Variants in ZNF333 observed in about 807,000 individuals in gnomAD.
The protein encoded by ZNF333 is zinc finger protein 333.
Under a neutral mutation model 76.1 loss-of-function variants are expected in ZNF333, and 61 were observed. The ratio of observed to expected loss-of-function variants is 0.80; its 90% CI spans 0.65 to 0.99. ZNF333 has a LOEUF of 0.99. ZNF333 is among the 50% of genes least tolerant of loss of function. The pLI, the probability that ZNF333 is intolerant of heterozygous loss-of-function variation, is 0.00. For synonymous variants in ZNF333, 284 were observed against 305.0 expected (o/e 0.93, Z 0.72); for missense variants, 717 against 822.4 (o/e 0.87, Z 1.57).
At chr19:14,693,722 G>A (rs951240556) in intron 2 of ZNF333, among the ~76,000 whole-genome samples, 1 of 152,194 alleles carries the variant, frequency 6.6e-6, no homozygotes. Flanking sequence ...CTGGGGCTCT[G>A]AGCGGAGCTC....
chr19:14,692,427 T>C (rs1401491454), intron 1 of ZNF333, among the ~76,000 whole-genome samples: 1 of 152,074 alleles, frequency 6.6e-6, no homozygotes, highest in African/African-American at 2.4e-5. Context: ...AAAGCTAAAG[T>C]AGAGAAAATA....
chr19:14,730,439 C>CCTCTT (rs1247545917), intron 11 of ZNF333, among the ~76,000 whole-genome samples: 220 of 152,102 alleles, frequency 1.4e-3, no homozygotes, highest in African/African-American at 5.1e-3. Flanking sequence ...TTCCTTCCTT[C>CCTCTT]TTTCCTTCCT....
chr19:14,715,451 T>C lies in ZNF333; in HGVS notation c.581T>C (p.Leu194Pro). The C allele has an allele frequency of 1.2e-6, 2 of 1,614,014 alleles. No homozygotes were observed. Among genetic ancestry groups the C allele is most frequent in the South Asian group, 1.1e-5 (1 of 91,076 alleles). Reference protein sequence around the residue: ...KVEEEAMAPGLPTACSQEPVT... With the variant: ...KVEEEAMAPGPPTACSQEPVT... The stretch of plus-strand genomic sequence containing the variant: ...GAGGAAGAAGCTATGGCTCCTGGGC[T>C]GCCAACCGCCTGTTCACAGGTAGGT... The change falls in exon 8 of 12, where the codon CTG becomes CCG. Residue 194 changes from leucine (L) to proline (P), a missense_variant. Coordinates refer to ENST00000292530, the MANE Select transcript of ZNF333 (RefSeq NM_032433.4).
intron 6 of ZNF333, chr19:14,705,979 A>G: frequency 2.5e-6 from 1 of 402,484 alleles, no homozygotes; most frequent in Admixed American, 2.7e-5. Flanking sequence ...GCCTCTTCCC[A>G]CTCGTCCCTG....
At chr19:14,701,024 C>T (rs538561115) in intron 5 of ZNF333, among the ~76,000 whole-genome samples, 1 of 152,352 alleles carries the variant, frequency 6.6e-6, no homozygotes, top group African/African-American at 2.4e-5. Context: ...GACCCCTGGG[C>T]AGCTGACAGC....
At chr19:14,730,735 G>A (rs889982634) in intron 11 of ZNF333, among the ~76,000 whole-genome samples, 13 of 151,774 alleles carry the variant, frequency 8.6e-5, no homozygotes, top group African/African-American at 3.1e-4. Context: ...ATGATGCTGA[G>A]GTTTGGGGTA....
downstream of ZNF333, among the ~76,000 whole-genome samples, chr19:14,726,843 A>G (rs1294239671): frequency 6.6e-6 from 1 of 152,076 alleles, no homozygotes; most frequent in Non-Finnish European, 1.5e-5. Context: ...ACCAGTCTCC[A>G]AGAAGTTCCA....
intron 7 of ZNF333, chr19:14,707,240 T>TA (rs34492314): frequency 0.64 from 74,472 of 116,602 alleles, 23,777 homozygotes; most frequent in East Asian, 0.86. Flanking sequence ...CCCCTATTTC[T>TA]AAAAAAAAAA....
intron 4 of ZNF333, among the ~76,000 whole-genome samples, chr19:14,698,848 C>CA (rs1471801357): frequency 3.1e-5 from 3 of 96,386 alleles, no homozygotes; most frequent in South Asian, 3.4e-4. Flanking sequence ...TCAAAAAAAA[C>CA]AAAAAACAAA....
chr19:14,694,550 A>G (rs1303502549), intron 2 of ZNF333, among the ~76,000 whole-genome samples: 2 of 152,214 alleles, frequency 1.3e-5, no homozygotes, highest in East Asian at 1.9e-4. Flanking sequence ...TTAAGGACGT[A>G]AGTCTTGGGG....
chr19:14,701,693 T>C, intron 5 of ZNF333: 1 of 985,368 alleles, frequency 1.0e-6, no homozygotes, highest in Non-Finnish European at 1.2e-6. Context: ...TCCAGTGCCC[T>C]CCACAGAACT....
At chr19:14,696,972 CGTG>C (rs1392197129) in intron 4 of ZNF333, among the ~76,000 whole-genome samples, 1 of 152,080 alleles carries the variant, frequency 6.6e-6, no homozygotes, top group Non-Finnish European at 1.5e-5. Context: ...CTCCTCATCT[CGTG>C]GTCCACCCAC....
chr19:14,718,464 T>G lies in ZNF333; in HGVS notation c.1137T>G (p.Ser379=), dbSNP rs2042501965. The G allele has an allele frequency of 6.2e-7, 1 of 1,614,254 alleles. No individual in the cohort carries two copies. ...GTGAAAAATCCTTCAGATACAGCTC[T>G]GACCTTATCAGGCATGAGAAGACTC... ...NKCEKSFRYS[S]DLIRHEKTHT... is the part of the protein sequence containing the mutation. The change falls in exon 12 of 12, where the codon TCT becomes TCG. Residue 379 remains serine (S), a synonymous_variant. Transcript: ENST00000292530.
At chr19:14,711,368 C>G (rs946718036) in intron 7 of ZNF333, among the ~76,000 whole-genome samples, 1 of 152,230 alleles carries the variant, frequency 6.6e-6, no homozygotes, top group South Asian at 2.1e-4. Context: ...GCTGGGTTAA[C>G]GCCTTTCTGC....
At chr19:14,715,279 G>T (rs1042527889) in intron 7 of ZNF333, 103 bp from the exon 8 acceptor site, 8 of 898,598 alleles carry the variant, frequency 8.9e-6, no homozygotes, top group Non-Finnish European at 1.4e-5. Flanking sequence ...ATGTGTGTGT[G>T]TACACATGTG....
Position 14,727,378 on chromosome 19 carries a change from G to A in ZNF333, c.901-3797G>A, listed in dbSNP as rs576944769. On this transcript the variant is annotated intron_variant, in intron 11 of 11. Coordinates refer to the ZNF333 transcript ENST00000540689. The stretch of plus-strand genomic sequence containing the variant: ...CTGTTTTGCAGGCTGCACAAACATG[G>A]TACCAACATCTGCTTGTCTTCTGGT... Among the ~76,000 whole-genome samples, 5 of 152,258 alleles carry A rather than the reference G, an allele frequency of 3.3e-5. No individual in the cohort carries two copies. The East Asian group carries it at 9.7e-4, about 29-fold the overall frequency.
At chr19:14,706,395 C>CA in intron 6 of ZNF333, 1 of 435,392 alleles carries the variant, frequency 2.3e-6, no homozygotes, top group Non-Finnish European at 4.3e-6. Flanking sequence ...CCTGGCCATC[C>CA]ACTCCCCACT....
In ZNF333 at chr19:14,719,508, T is replaced by G; in HGVS notation, c.*183T>G. On this transcript the variant is annotated 3_prime_UTR_variant, in exon 12 of 12. Transcript: ENST00000292530. ...TATTTGGAATTAGATTTTTCAAAAC[T>G]AATATGTGGATATATTTTCATAGAG... 2.8e-6 allele frequency: 3 copies of G among 1,084,866 alleles called. No individual in the cohort carries two copies. Among genetic ancestry groups the G allele is most frequent in the Non-Finnish European group, 2.5e-6 (2 of 791,372 alleles). The allele number at this position is 1,084,866 out of a possible 1,614,324, so 67.2% of individuals were successfully genotyped here.
At chr19:14,708,656 T>C in intron 7 of ZNF333, 1 of 333,024 alleles carries the variant, frequency 3.0e-6, no homozygotes. Flanking sequence ...GCAGCATCCC[T>C]GGCCTCAACT....
Sources: gnomAD v4.1 joint callset for allele counts (sites outside exome capture counted in the v4.1 genomes callset) on GRCh38, gnomAD v4.1.1 for gene constraint, MANE v1.5 for transcripts, NCBI Gene and HGNC (gene_info 2026-07-23, HGNC 2026-07-21) for gene names.